Variants in PEX26 observed in about 807,000 individuals in gnomAD.
PEX26 encodes the protein peroxisomal biogenesis factor 26.
In PEX26, 18 loss-of-function variants were observed where a neutral mutation model predicts 31.4. That is an observed-to-expected ratio of 0.57 (90% CI 0.40 to 0.85). The LOEUF is 0.85. Among genes scored for constraint, PEX26 ranks in the 40% least tolerant of loss-of-function variants. The pLI is 0.00. For synonymous variants in PEX26, 176 were observed against 166.9 expected (o/e 1.05, Z -0.42); for missense variants, 377 against 383.9 (o/e 0.98, Z 0.15).
In PEX26 at chr22:18,081,245, TACACAC is replaced by T. The variant is rs59081749; in HGVS notation, c.371+1261_371+1266del. Among the ~76,000 whole-genome samples the T allele has an allele frequency of 2.8e-3, 384 of 138,102 alleles. 4 individuals are homozygous for T. The highest frequency in any genetic ancestry group is 3.7e-3 in the Middle Eastern group (1 of 270). 90.6% of individuals were successfully genotyped at this position (138,102 alleles called of 152,430 possible). On this transcript the variant is annotated intron_variant, in intron 2 of 4. Coordinates refer to ENST00000399744, the MANE Select transcript of PEX26 (RefSeq NM_001127649.3). ...CATAATATACATATATGTACACATA[TACACAC>T]ACACACACACACACACACACACACA...
chr22:18,082,818 G>A (rs1926669654), intron 2 of PEX26, among the ~76,000 whole-genome samples: 2 of 152,170 alleles, frequency 1.3e-5, no homozygotes, highest in South Asian at 4.1e-4. Flanking sequence ...TCCAATTTGT[G>A]AATGAACACG....
intron 2 of PEX26, 99 bp downstream of exon 2, chr22:18,080,113 C>G: frequency 7.6e-7 from 1 of 1,316,048 alleles, no homozygotes; most frequent in Middle Eastern, 1.9e-4. Flanking sequence ...CTACTATTGC[C>G]CTCCAGATCG....
At position 18,101,245 on chromosome 22, in the gene PEX26, G is replaced by A. The variant is rs946700864; in HGVS notation, c.*13170G>A. ...TTTCACATGTAGTTTTTAGGTAAAG[G>A]ACATCTCTTTCAGTTGATTCCTACA... On this transcript the variant is annotated 3_prime_UTR_variant, in exon 5 of 5. Coordinates refer to ENST00000399744, the MANE Select transcript of PEX26 (RefSeq NM_001127649.3). The A allele has an allele frequency of 6.6e-6, 1 of 152,116 alleles. No homozygotes were observed. Among genetic ancestry groups the A allele is most frequent in the Non-Finnish European group, 1.5e-5 (1 of 68,024 alleles). 9.4% of individuals were successfully genotyped at this position (152,116 alleles called of 1,614,324 possible).
chr22:18,078,985 G>A (rs1047600790), intron 1 of PEX26: 39 of 385,546 alleles, frequency 1.0e-4, no homozygotes, highest in Non-Finnish European at 1.5e-4. Flanking sequence ...CTGATGATGG[G>A]GAATGGGGGT....
At chr22:18,087,870 C>T (rs1602468473) in intron 4 of PEX26, 102 bp from the exon 5 acceptor site, 4 of 825,150 alleles carry the variant, frequency 4.8e-6, no homozygotes, top group East Asian at 2.4e-5. Flanking sequence ...CAAAACAAAA[C>T]CAACTATGTG....
At position 18,095,019 on chromosome 22, in the gene PEX26, T is replaced by TC. The variant is rs2123673216; in HGVS notation, c.*6949dup. 1 of 152,178 alleles carries TC rather than the reference T, an allele frequency of 6.6e-6. No homozygotes were observed. The highest frequency in any genetic ancestry group is 2.1e-4 in the South Asian group (1 of 4,816). The allele number at this position is 152,178 out of a possible 1,614,324, so 9.4% of individuals were successfully genotyped here. Reference sequence around the variant, plus strand: ...AGGTACCAGGATTTCTGTTCTTATCTCCCCCATAGCACCTGGAATGAGGCC... The same window carrying TC: ...AGGTACCAGGATTTCTGTTCTTATCTCCCCCCATAGCACCTGGAATGAGGCC... On this transcript the variant is annotated 3_prime_UTR_variant, in exon 5 of 5. Transcript: ENST00000399744.
At chr22:18,083,101 T>C (rs1040107290) in intron 2 of PEX26, among the ~76,000 whole-genome samples, 5 of 152,262 alleles carry the variant, frequency 3.3e-5, no homozygotes, top group African/African-American at 9.6e-5. Flanking sequence ...ATAACTTGAC[T>C]TCCTCCTTTC....
In PEX26 at chr22:18,083,533, T is replaced by A; in HGVS notation, c.468T>A (p.Tyr156Ter). The stretch of plus-strand genomic sequence containing the variant: ...CAGCCAATCAAAACCTTCCAGAATA[T>A]GGAGCCTTGGCAGAATTTCACGTGC... ...QDPANQNLPE[Y>*]GALAEFHVQR... Residue 156 changes from tyrosine (Y) to a stop codon, truncating the protein, a stop_gained, in exon 3 of 5, where the codon TAT becomes TAA. Coordinates refer to ENST00000399744, the MANE Select transcript of PEX26 (RefSeq NM_001127649.3). LOFTEE classifies it high-confidence loss of function. 8.7e-6 allele frequency: 14 copies of A among 1,614,092 alleles called. No homozygotes were observed. Among genetic ancestry groups the A allele is most frequent in the Non-Finnish European group, 1.2e-5 (14 of 1,179,944 alleles).
chr22:18,083,343 G>A, intron 2 of PEX26, 94 bp from the exon 3 acceptor site: 3 of 1,288,840 alleles, frequency 2.3e-6, no homozygotes, highest in Non-Finnish European at 3.4e-6. Context: ...GTGAGGAGGG[G>A]CTGGATAGGA....
Position 18,078,009 on chromosome 22 carries a change from C to T in PEX26, c.-368C>T. 1 of 456,788 alleles carries T rather than the reference C, an allele frequency of 2.2e-6. No homozygotes were observed. The highest frequency in any genetic ancestry group is 4.3e-6 in the Non-Finnish European group (1 of 232,868). The allele number at this position is 456,788 out of a possible 1,614,324, so 28.3% of individuals were successfully genotyped here. A position where few individuals can be genotyped will look rare whatever the true frequency, so the allele number is the denominator to read the frequency against. On this transcript the variant is annotated 5_prime_UTR_variant, in exon 1 of 5. Transcript: ENST00000399744. The stretch of plus-strand genomic sequence containing the variant: ...GACGCCGCGCGGCTGCGGGGCTGGG[C>T]GAGCGCAAAGATGTCCGCGCCCGCT...
In PEX26 at chr22:18,101,633, C is replaced by T; in HGVS notation, c.*13558C>T. On this transcript the variant is annotated 3_prime_UTR_variant, in exon 5 of 5. Transcript: ENST00000399744. ...CCCAGGATCAAGAAAAGAATGTGGC[C>T]ACCTTCCAAGGCTCAGAGTAGCTGT... is the stretch of plus-strand genomic sequence containing the variant. The T allele has an allele frequency of 4.8e-6, 1 of 207,154 alleles. No individual in the cohort carries two copies. The allele number at this position is 207,154 out of a possible 1,614,324, so 12.8% of individuals were successfully genotyped here.
At chr22:18,080,070 T>A in intron 2 of PEX26, 56 bp downstream of exon 2, 1 of 1,573,810 alleles carries the variant, frequency 6.4e-7, no homozygotes, top group Non-Finnish European at 8.7e-7. Flanking sequence ...GATTTTCATC[T>A]CCTCTCCTAA....
rs1476115209 is a variant in PEX26 at position 18,078,219 on chromosome 22, C to T, written c.-158C>T. The T allele has an allele frequency of 4.2e-6, 3 of 715,402 alleles. No homozygotes were observed. The South Asian group carries it at 4.5e-5, about 11-fold the overall frequency. 44.3% of individuals were successfully genotyped at this position (715,402 alleles called of 1,614,324 possible). A position where few individuals can be genotyped will look rare whatever the true frequency, so the allele number is the denominator to read the frequency against. On this transcript the variant is annotated 5_prime_UTR_variant, in exon 1 of 5. Coordinates refer to ENST00000399744, the MANE Select transcript of PEX26 (RefSeq NM_001127649.3). Reference sequence around the variant, plus strand: ...CCCAGCTTTTGCCTCAGATAGGCCCCTTCCTTTTCCTTCTCGGGGAATCGA... The same window carrying T: ...CCCAGCTTTTGCCTCAGATAGGCCCTTTCCTTTTCCTTCTCGGGGAATCGA...
chr22:18,078,825 T>C, intron 1 of PEX26: 1 of 699,442 alleles, frequency 1.4e-6, no homozygotes, highest in East Asian at 2.7e-5. Context: ...CAGCCAATTA[T>C]TTGCTCCTTG....
chr22:18,086,213 T>C (rs1172729501), intron 4 of PEX26, among the ~76,000 whole-genome samples: 2 of 148,852 alleles, frequency 1.3e-5, no homozygotes, highest in African/African-American at 5.0e-5. Flanking sequence ...CAGGGAGCAT[T>C]GCTTGAACCC....
Position 18,097,450 on chromosome 22 carries a change from A to T in PEX26, c.*9375A>T, listed in dbSNP as rs1189339081. The T allele has an allele frequency of 6.6e-6, 1 of 151,980 alleles. No individual in the cohort carries two copies. The highest frequency in any genetic ancestry group is 1.5e-5 in the Non-Finnish European group (1 of 68,028). 9.4% of individuals were successfully genotyped at this position (151,980 alleles called of 1,614,324 possible). A position where few individuals can be genotyped will look rare whatever the true frequency, so the allele number is the denominator to read the frequency against. On this transcript the variant is annotated 3_prime_UTR_variant, in exon 5 of 5. Transcript: ENST00000399744. The stretch of plus-strand genomic sequence containing the variant: ...GGCTAATTTTTTGTATTTTTAGTAG[A>T]GACGGGGTCTCACCGTGTTAGCCAG...
At position 18,090,733 on chromosome 22, in the gene PEX26, G is replaced by A. The variant is rs1295293761; in HGVS notation, c.*2658G>A. 7.6e-6 allele frequency: 1 copy of A among 132,220 alleles called. No homozygotes were observed. The highest frequency in any genetic ancestry group is 2.7e-5 in the African/African-American group (1 of 36,388). 8.2% of individuals were successfully genotyped at this position (132,220 alleles called of 1,614,324 possible). Reference sequence around the variant, plus strand: ...TACCTTTAAATTTAGGGGCGCTAAGGAAAGCAGGAACCAGTAATCCTCTTC... The same window carrying A: ...TACCTTTAAATTTAGGGGCGCTAAGAAAAGCAGGAACCAGTAATCCTCTTC... On this transcript the variant is annotated 3_prime_UTR_variant, in exon 5 of 5. Transcript: ENST00000399744.
Position 18,104,894 on chromosome 22 carries a change from G to A in PEX26, c.*16819G>A, listed in dbSNP as rs931730517. 1 of 152,150 alleles carries A rather than the reference G, an allele frequency of 6.6e-6. No individual in the cohort carries two copies. The highest frequency in any genetic ancestry group is 1.5e-5 in the Non-Finnish European group (1 of 68,054). 9.4% of individuals were successfully genotyped at this position (152,150 alleles called of 1,614,324 possible). Reference sequence around the variant, plus strand: ...TGTTTGTGATCCAGTGGCCAAAATGGTTCACCCTCAACTTCCCTTAATCCC... The same window carrying A: ...TGTTTGTGATCCAGTGGCCAAAATGATTCACCCTCAACTTCCCTTAATCCC... On this transcript the variant is annotated 3_prime_UTR_variant, in exon 5 of 5. Coordinates refer to ENST00000399744, the MANE Select transcript of PEX26 (RefSeq NM_001127649.3).
At chr22:18,081,528 G>T in intron 2 of PEX26, 1 of 154,680 alleles carries the variant, frequency 6.5e-6, no homozygotes, top group South Asian at 1.7e-4. Flanking sequence ...GACCTGGTAG[G>T]GCAGCAGGAA....
Sources: allele counts gnomAD v4.1 joint callset (sites outside exome capture counted in the v4.1 genomes callset), GRCh38; gene constraint gnomAD v4.1.1; transcripts MANE v1.5; gene names NCBI Gene and HGNC (gene_info 2026-07-23, HGNC 2026-07-21).